ADAMTSL1: variants seen among roughly 807,000 people sequenced by gnomAD.
The protein encoded by ADAMTSL1 is ADAMTS like 1, also known as ADAMTS-like protein 1.
In ADAMTSL1, 126 loss-of-function variants were observed where a neutral mutation model predicts 201.8. The ratio of observed to expected loss-of-function variants is 0.62; its 90% CI spans 0.54 to 0.72. The LOEUF (loss-of-function observed/expected upper bound fraction) is 0.72, where lower values mean the gene tolerates loss of function less well. Ranked by LOEUF, ADAMTSL1 falls within the 30% of genes least tolerant of loss-of-function variation. The pLI is 0.00. For missense variants in ADAMTSL1, 2,679 were observed against 2,277.8 expected, an observed-to-expected ratio of 1.18 and a Z score of -3.59; for synonymous variants, 1,121 against 903.4, an observed-to-expected ratio of 1.24 and a Z score of -4.32.
intron 2 of ADAMTSL1, among the ~76,000 whole-genome samples, chr9:18,210,415 A>G (rs1829819612): frequency 6.8e-6 from 1 of 146,190 alleles, no homozygotes; most frequent in Admixed American, 7.0e-5. Flanking sequence ...ATTATATATG[A>G]TATATATTAA....
chr9:18,546,944 A>C (rs927064841), intron 3 of ADAMTSL1, among the ~76,000 whole-genome samples: 1 of 152,148 alleles, frequency 6.6e-6, no homozygotes, highest in Non-Finnish European at 1.5e-5. Flanking sequence ...CTGCTTTATG[A>C]TATCTCATAA....
intron 1 of ADAMTSL1, among the ~76,000 whole-genome samples, chr9:18,475,597 A>G (rs1821408618): frequency 6.6e-6 from 1 of 152,188 alleles, no homozygotes; most frequent in Admixed American, 6.5e-5. Flanking sequence ...AATGAACTAT[A>G]AGTTTTAGCT....
At chr9:18,605,640 A>G (rs1369099809) in intron 4 of ADAMTSL1, among the ~76,000 whole-genome samples, 1 of 152,118 alleles carries the variant, frequency 6.6e-6, no homozygotes, top group African/African-American at 2.4e-5. Flanking sequence ...AACTCTTCCT[A>G]TATCCCTCAT....
intron 1 of ADAMTSL1, among the ~76,000 whole-genome samples, chr9:18,105,252 AGTGTTAATTATCC>A (rs1458098036): frequency 6.6e-6 from 1 of 152,164 alleles, no homozygotes; most frequent in African/African-American, 2.4e-5. Flanking sequence ...ATGATCCACA[AGTGTTAATTATCC>A]GTGACCTGAT....
intron 1 of ADAMTSL1, among the ~76,000 whole-genome samples, chr9:18,114,011 G>A (rs1184852234): frequency 6.6e-6 from 1 of 152,006 alleles, no homozygotes; most frequent in Non-Finnish European, 1.5e-5. Flanking sequence ...TGCGAAGAAT[G>A]GAATAGAAGC....
At chr9:17,976,209 T>C (rs911799234) in intron 1 of ADAMTSL1, among the ~76,000 whole-genome samples, 3 of 146,684 alleles carry the variant, frequency 2.0e-5, no homozygotes, top group Non-Finnish European at 4.5e-5. Context: ...TTTGGGGATC[T>C]TTTGTGATTT....
At chr9:18,543,191 T>A (rs1820256744) in intron 3 of ADAMTSL1, among the ~76,000 whole-genome samples, 1 of 152,194 alleles carries the variant, frequency 6.6e-6, no homozygotes. Flanking sequence ...AAAGCCAAGA[T>A]GAATGTAGGA....
chr9:18,129,946 CTTG>C (rs1825880536), intron 1 of ADAMTSL1, among the ~76,000 whole-genome samples: 1 of 152,152 alleles, frequency 6.6e-6, no homozygotes, highest in South Asian at 2.1e-4. Flanking sequence ...CTTGTCTGCA[CTTG>C]TTACTCTGAG....
chr9:18,348,264 C>G (rs1180762426), intron 2 of ADAMTSL1, among the ~76,000 whole-genome samples: 3 of 152,086 alleles, frequency 2.0e-5, no homozygotes, highest in Non-Finnish European at 4.4e-5. Flanking sequence ...TAATGGGTCC[C>G]TAGCTGAACA....
Position 18,569,602 on chromosome 9 carries a change from G to A in ADAMTSL1, c.238-4428G>A, listed in dbSNP as rs572792239. On this transcript the variant is annotated intron_variant, in intron 3 of 28. Transcript: ENST00000380548. Reference sequence around the variant, plus strand: ...CAATTCTGGAGATGTATGAGGGGCTGGATGTGGGAGTCTGTAGTCCTGTGC... The same window carrying A: ...CAATTCTGGAGATGTATGAGGGGCTAGATGTGGGAGTCTGTAGTCCTGTGC... Among the ~76,000 whole-genome samples, 3 of 152,212 alleles carry A rather than the reference G, an allele frequency of 2.0e-5. No individual in the cohort carries two copies. In the South Asian group the frequency reaches 6.2e-4, roughly 32 times the overall value.
chr9:18,057,825 T>C (rs555121686), intron 1 of ADAMTSL1, among the ~76,000 whole-genome samples: 1 of 152,242 alleles, frequency 6.6e-6, no homozygotes, highest in African/African-American at 2.4e-5. Context: ...TCTTTAGGAT[T>C]GAGTTTTAAT....
chr9:18,481,476 T>C (rs1821726243), intron 1 of ADAMTSL1, among the ~76,000 whole-genome samples: 1 of 152,014 alleles, frequency 6.6e-6, no homozygotes, highest in Admixed American at 6.6e-5. Flanking sequence ...AGCTTGGAAG[T>C]GTGTTGGACA....
chr9:18,051,218 G>T (rs900259264), intron 1 of ADAMTSL1, among the ~76,000 whole-genome samples: 1 of 152,138 alleles, frequency 6.6e-6, no homozygotes, highest in South Asian at 2.1e-4. Flanking sequence ...GGAGAATGGC[G>T]TGAACCCAGG....
intron 2 of ADAMTSL1, among the ~76,000 whole-genome samples, chr9:18,180,197 G>A (rs1354613826): frequency 1.4e-4 from 22 of 151,920 alleles, no homozygotes; most frequent in African/African-American, 5.3e-4. Flanking sequence ...CAAGCAAATG[G>A]AAAACAAAAA....
intron 16 of ADAMTSL1, among the ~76,000 whole-genome samples, chr9:18,767,023 G>A (rs1820404902): frequency 6.6e-6 from 1 of 152,102 alleles, no homozygotes; most frequent in African/African-American, 2.4e-5. Flanking sequence ...CAGGGGAAGG[G>A]TGGTAAAAAA....
chr9:18,352,210 G>A (rs1336623975), intron 2 of ADAMTSL1, among the ~76,000 whole-genome samples: 3 of 152,126 alleles, frequency 2.0e-5, no homozygotes, highest in Non-Finnish European at 4.4e-5. Flanking sequence ...AGATACTGAT[G>A]CTAATGAGAA....
At chr9:18,851,148 A>C (rs1311020513) in intron 23 of ADAMTSL1, among the ~76,000 whole-genome samples, 1 of 152,102 alleles carries the variant, frequency 6.6e-6, no homozygotes, top group African/African-American at 2.4e-5. Context: ...TTCAGGAGAC[A>C]GGTGCCATAT....
chr9:18,292,337 G>C (rs567271682), intron 2 of ADAMTSL1, among the ~76,000 whole-genome samples: 19 of 152,196 alleles, frequency 1.2e-4, no homozygotes, highest in Admixed American at 1.1e-3. Flanking sequence ...GAATGGGTAC[G>C]ATAGCAGTAT....
chr9:18,560,789 G>A (rs892329244), intron 3 of ADAMTSL1, among the ~76,000 whole-genome samples: 1 of 151,902 alleles, frequency 6.6e-6, no homozygotes, highest in Non-Finnish European at 1.5e-5. Flanking sequence ...TAGTTTATTT[G>A]CATACAGGTG....
Sources: allele counts gnomAD v4.1 joint callset (sites outside exome capture counted in the v4.1 genomes callset), GRCh38; gene constraint gnomAD v4.1.1; transcripts MANE v1.5; gene names NCBI Gene and HGNC (gene_info 2026-07-23, HGNC 2026-07-21).